Variants in MEGF6 observed in about 807,000 individuals in gnomAD.
The protein encoded by MEGF6 is multiple epidermal growth factor-like domains protein 6.
MEGF6 carries 184 observed loss-of-function variants against 207.1 expected under a neutral mutation model. That is an observed-to-expected ratio of 0.89 (90% CI 0.79 to 1.00). The LOEUF (loss-of-function observed/expected upper bound fraction) is 1.00, where lower values mean the gene tolerates loss of function less well. Ranked by LOEUF, MEGF6 falls within the 50% of genes least tolerant of loss-of-function variation. The probability of loss-of-function intolerance (pLI) is 0.00; values close to 1 mark genes in which losing one functional copy is unlikely to be tolerated. For synonymous variants in MEGF6, 1,038 were observed against 910.0 expected, an observed-to-expected ratio of 1.14 and a Z score of -2.53; for missense variants, 2,282 against 2,202.9, an observed-to-expected ratio of 1.04 and a Z score of -0.72.
intron 29 of MEGF6, 101 bp downstream of exon 29, chr1:3,496,554 C>A: frequency 6.6e-7 from 1 of 1,507,306 alleles, no homozygotes; most frequent in Non-Finnish European, 9.0e-7. Flanking sequence ...GGCTGAAGGG[C>A]AGGGAGGTGG....
intron 2 of MEGF6, among the ~76,000 whole-genome samples, chr1:3,597,595 G>A (rs1426869344): frequency 6.6e-5 from 10 of 152,214 alleles, no homozygotes; most frequent in East Asian, 3.8e-4. Flanking sequence ...AGTGACGGGC[G>A]CCCTTATAAG....
In MEGF6 at chr1:3,583,143, G is replaced by C. The variant is rs565674950; in HGVS notation, c.377-3214C>G. Among the ~76,000 whole-genome samples, 11 of 152,268 alleles carry C rather than the reference G, an allele frequency of 7.2e-5. No individual in the cohort carries two copies. In the East Asian group the frequency reaches 1.9e-3, roughly 27 times the overall value. ...CCCATGGACTTGCTCCCAAGGGGTG[G>C]AAAAATACTACGAGGCTCTAAAACA... On this transcript the variant is annotated intron_variant, in intron 3 of 36. Transcript: ENST00000356575.
At chr1:3,550,880 ATTGGC>A (rs1388359173) in intron 4 of MEGF6, among the ~76,000 whole-genome samples, 1 of 152,234 alleles carries the variant, frequency 6.6e-6, no homozygotes. Context: ...GTGCTAGTCC[ATTGGC>A]AGGAGACCCT....
chr1:3,611,158 C>A lies in MEGF6; in HGVS notation c.111G>T (p.Leu37=). 1 of 1,531,228 alleles carries A rather than the reference C, an allele frequency of 6.5e-7. No homozygotes were observed. The highest frequency in any genetic ancestry group is 8.7e-7 in the Non-Finnish European group (1 of 1,148,328). 94.9% of individuals were successfully genotyped at this position (1,531,228 alleles called of 1,614,324 possible). The change falls in exon 1 of 37, where the codon CTG becomes CTT. Residue 37 remains leucine, a synonymous_variant. Transcript: ENST00000356575. The stretch of plus-strand genomic sequence containing the variant: ...CTCACATGCCGGGCTGCAGCGGGAG[C>A]AGGGGCCGCGGCGGAACGCTGGCGC... The part of the protein sequence containing the change: ...PVGASVPPRP[L]LPLQPGMPHV...
chr1:3,511,832 T>A, intron 8 of MEGF6, 145 bp from the exon 9 acceptor site: 1 of 1,433,726 alleles, frequency 7.0e-7, no homozygotes, highest in African/African-American at 1.4e-5. Context: ...CCAGGCCTTG[T>A]TGGGTCTGGG....
In MEGF6 at chr1:3,507,042, G is replaced by T. The variant is rs1237871511; in HGVS notation, c.1789+753C>A. 3.3e-5 allele frequency among the ~76,000 whole-genome samples: 5 copies of T among 152,192 alleles called. No individual in the cohort carries two copies. The East Asian group carries it at 9.6e-4, about 29-fold the overall frequency. Reference sequence around the variant, plus strand: ...CCCCAGCACCCTGTAGAATAGAAAGGGCAGACAAAGTGGGGAAGGGAGGCA... The same window carrying T: ...CCCCAGCACCCTGTAGAATAGAAAGTGCAGACAAAGTGGGGAAGGGAGGCA... On this transcript the variant is annotated intron_variant, in intron 14 of 36. Transcript: ENST00000356575.
At chr1:3,604,377 C>T (rs1372541921) in intron 1 of MEGF6, among the ~76,000 whole-genome samples, 1 of 152,210 alleles carries the variant, frequency 6.6e-6, no homozygotes, top group Non-Finnish European at 1.5e-5. Flanking sequence ...TGGCCATAAG[C>T]AGGGTCCAGG....
rs1644319010 is a variant in MEGF6 at position 3,611,153 on chromosome 1, G to A, written c.116C>T (p.Pro39Leu). 2.6e-6 allele frequency: 4 copies of A among 1,527,396 alleles called. 1 individual carries two copies. In the South Asian group the frequency reaches 3.6e-5, roughly 14 times the overall value. 94.6% of individuals were successfully genotyped at this position (1,527,396 alleles called of 1,614,324 possible). ...GASVPPRPLL[P>L]LQPGMPHVCA... ...TGCTACTCACATGCCGGGCTGCAGC[G>A]GGAGCAGGGGCCGCGGCGGAACGCT... is the stretch of plus-strand genomic sequence containing the variant. Residue 39 changes from proline (P) to leucine (L), a missense_variant, in exon 1 of 37, where the codon CCG becomes CTG. By Grantham distance (98) the Pro-to-Leu change is moderately conservative. Transcript: ENST00000356575.
chr1:3,620,300 G>A, the MEGF6 span, among the ~76,000 whole-genome samples: 1 of 152,244 alleles, frequency 6.6e-6, no homozygotes, highest in Non-Finnish European at 1.5e-5. Context: ...CCCATTGTCT[G>A]GGGGAGAAAT....
chr1:3,590,626 A>G (rs1388951172), intron 3 of MEGF6, among the ~76,000 whole-genome samples: 2 of 152,132 alleles, frequency 1.3e-5, no homozygotes, highest in Non-Finnish European at 2.9e-5. Context: ...AGGCCCTGAC[A>G]TTGTCCTCCA....
intron 4 of MEGF6, among the ~76,000 whole-genome samples, chr1:3,543,812 G>A (rs561599435): frequency 8.5e-5 from 13 of 152,348 alleles, no homozygotes; most frequent in African/African-American, 2.6e-4. Flanking sequence ...GTCGAGGCCC[G>A]GGCCTAATGT....
rs905707533 is a variant in MEGF6 at position 3,509,307 on chromosome 1, C to T, written c.1358-62G>A. 83 of 1,369,570 alleles carry T rather than the reference C, an allele frequency of 6.1e-5. No individual in the cohort carries two copies. The South Asian group carries it at 9.6e-4, about 16-fold the overall frequency. The allele number at this position is 1,369,570 out of a possible 1,614,324, so 84.8% of individuals were successfully genotyped here. ...CCACCTGCCTGCTCCAGCGACCCCC[C>T]GGCGGGTAGGGCTGGGCCTAAGCCC... is the stretch of plus-strand genomic sequence containing the variant. On this transcript the variant is annotated intron_variant, in intron 11 of 36. Coordinates refer to ENST00000356575, the MANE Select transcript of MEGF6 (RefSeq NM_001409.4).
intron 3 of MEGF6, among the ~76,000 whole-genome samples, chr1:3,591,017 C>T (rs562826515): frequency 5.9e-5 from 9 of 152,246 alleles, no homozygotes; most frequent in African/African-American, 1.9e-4. Context: ...CTGGGGAGAC[C>T]GTGAGCAGCC....
intron 4 of MEGF6, among the ~76,000 whole-genome samples, chr1:3,529,769 G>A (rs1215533082): frequency 6.6e-6 from 1 of 152,254 alleles, no homozygotes; most frequent in African/African-American, 2.4e-5. Context: ...ACAGGCAGGT[G>A]GACAGGCATG....
At chr1:3,607,912 C>T (rs1422928306) in intron 1 of MEGF6, among the ~76,000 whole-genome samples, 2 of 152,164 alleles carry the variant, frequency 1.3e-5, no homozygotes, top group South Asian at 2.1e-4. Context: ...CTGGGCCCAG[C>T]GACGGCATCA....
intron 2 of MEGF6, among the ~76,000 whole-genome samples, chr1:3,599,021 C>T (rs776912126): frequency 6.6e-5 from 10 of 152,206 alleles, no homozygotes; most frequent in South Asian, 4.1e-4. Flanking sequence ...TGGGCCGGGC[C>T]GGGCTGGAGC....
At chr1:3,605,799 GA>G (rs1375853713) in intron 1 of MEGF6, among the ~76,000 whole-genome samples, 17 of 152,324 alleles carry the variant, frequency 1.1e-4, no homozygotes, top group African/African-American at 4.1e-4. Context: ...TCAATGGGAG[GA>G]CCAGGAAGAG....
Position 3,602,550 on chromosome 1 carries a change from G to T in MEGF6, c.182C>A (p.Pro61Gln), listed in dbSNP as rs370293444. The T allele has an allele frequency of 6.2e-6, 10 of 1,612,194 alleles. No individual in the cohort carries two copies. Among genetic ancestry groups the T allele is most frequent in the Non-Finnish European group, 8.5e-6 (10 of 1,179,622 alleles). The change falls in exon 2 of 37, where the codon CCG becomes CAG. Residue 61 changes from proline to glutamine, a missense_variant. Physicochemically the swap from Pro to Gln is moderately conservative, Grantham distance 76. Transcript: ENST00000356575. ...QELTLVGRRQPCVQALSHTVP... is the reference protein window; with the variant it reads ...QELTLVGRRQQCVQALSHTVP... Reference sequence around the variant, plus strand: ...CGTGTGGCTTAAGGCCTGCACGCACGGCTGGCGGCGGCCCACCAGGGTCAG... The same window carrying T: ...CGTGTGGCTTAAGGCCTGCACGCACTGCTGGCGGCGGCCCACCAGGGTCAG...
chr1:3,586,665 A>G lies in MEGF6; in HGVS notation c.377-6736T>C, dbSNP rs746679506. Among the ~76,000 whole-genome samples the G allele has an allele frequency of 5.3e-5, 8 of 152,316 alleles. No homozygotes were observed. In the East Asian group the frequency reaches 9.6e-4, roughly 18 times the overall value. ...TCCCACGCTGGGACTCGGGGCTGGC[A>G]TGCGGCCCGAACGGAAAAGGAAAAG... On this transcript the variant is annotated intron_variant, in intron 3 of 36. Coordinates refer to ENST00000356575, the MANE Select transcript of MEGF6 (RefSeq NM_001409.4).
Sources: allele counts gnomAD v4.1 joint callset (sites outside exome capture counted in the v4.1 genomes callset), GRCh38; gene constraint gnomAD v4.1.1; transcripts MANE v1.5; gene names NCBI Gene and HGNC (gene_info 2026-07-23, HGNC 2026-07-21).